Variants in KDM2A observed in about 807,000 individuals in gnomAD.
KDM2A encodes lysine demethylase 2A.
Under a neutral mutation model 137.3 loss-of-function variants are expected in KDM2A, and 3 were observed. The observed-to-expected ratio is 0.02, with a 90% CI of 0.01 to 0.06. The LOEUF is 0.06. Among genes scored for constraint, KDM2A ranks in the 10% least tolerant of loss-of-function variants. The pLI is 1.00. For synonymous variants in KDM2A, 512 were observed against 541.5 expected, an observed-to-expected ratio of 0.95 and a Z score of 0.76; for missense variants, 738 against 1,510.6, an observed-to-expected ratio of 0.49 and a Z score of 8.48.
chr11:67,245,651 C>A lies in KDM2A; in HGVS notation c.1833+193C>A. On this transcript the variant is annotated intron_variant, in intron 14 of 20. Coordinates refer to ENST00000529006, the MANE Select transcript of KDM2A (RefSeq NM_012308.3). The surrounding 1 kb of genome is among the most constrained non-coding windows in gnomAD (Gnocchi z 4.1). ...TCTAGTACTAAAAATCCGATTTAAT[C>A]TTTAGGCTTTACCTAATTTTCAAAC... 1 of 648,430 alleles carries A rather than the reference C, an allele frequency of 1.5e-6. No homozygotes were observed. The highest frequency in any genetic ancestry group is 2.6e-6 in the Non-Finnish European group (1 of 384,942). 40.2% of individuals were successfully genotyped at this position (648,430 alleles called of 1,614,324 possible).
intron 2 of KDM2A, among the ~76,000 whole-genome samples, chr11:67,166,002 C>T (rs151054205): frequency 1.7e-4 from 26 of 152,152 alleles, no homozygotes; most frequent in African/African-American, 5.8e-4. Context: ...ACAGTTGCAT[C>T]AATTATAAAA....
chr11:67,224,386 C>T (rs1032948516), intron 10 of KDM2A, among the ~76,000 whole-genome samples: 75 of 151,548 alleles, frequency 4.9e-4, no homozygotes, highest in African/African-American at 1.7e-3. Context: ...AGCGAAGGAT[C>T]ACTTAATCCC....
At chr11:67,168,942 A>G (rs1353939738) in intron 2 of KDM2A, among the ~76,000 whole-genome samples, 4 of 146,444 alleles carry the variant, frequency 2.7e-5, no homozygotes, top group African/African-American at 1.0e-4. Context: ...TTCAGATTTA[A>G]TCCATGTAGT....
intron 16 of KDM2A, among the ~76,000 whole-genome samples, chr11:67,249,363 T>TA (rs1419875268): frequency 6.6e-6 from 1 of 152,078 alleles, no homozygotes; most frequent in Non-Finnish European, 1.5e-5. Flanking sequence ...ACCATAATGA[T>TA]AAAAAAATGT....
intron 2 of KDM2A, among the ~76,000 whole-genome samples, chr11:67,152,440 A>G (rs1235640285): frequency 6.6e-6 from 1 of 151,630 alleles, no homozygotes; most frequent in Non-Finnish European, 1.5e-5. Flanking sequence ...CCTCATCTCT[A>G]CAAAAAATAA....
chr11:67,152,144 G>C (rs1169137233), intron 2 of KDM2A, among the ~76,000 whole-genome samples: 2 of 151,748 alleles, frequency 1.3e-5, no homozygotes, highest in Non-Finnish European at 2.9e-5. Context: ...GTGAAACCCT[G>C]TGTCTATTAA....
chr11:67,227,335 A>G (rs1858577954), intron 10 of KDM2A, among the ~76,000 whole-genome samples: 1 of 152,170 alleles, frequency 6.6e-6, no homozygotes, highest in Non-Finnish European at 1.5e-5. Context: ...CCTAATATGA[A>G]CATGTCACTT....
intron 2 of KDM2A, among the ~76,000 whole-genome samples, chr11:67,171,075 C>T (rs781219846): frequency 2.0e-5 from 3 of 152,212 alleles, no homozygotes; most frequent in Non-Finnish European, 4.4e-5. Flanking sequence ...GTGCTTGTTA[C>T]AGTACCTGGC....
intron 12 of KDM2A, 46 bp from the exon 13 acceptor site, chr11:67,242,952 GGTTGGCTCTTT>G: frequency 7.5e-7 from 1 of 1,331,666 alleles, no homozygotes; most frequent in Non-Finnish European, 1.1e-6. Flanking sequence ...TGTTCAGGGT[GGTTGGCTCTTT>G]GTTCACCCTG....
chr11:67,176,710 A>T (rs1261306870), intron 2 of KDM2A, among the ~76,000 whole-genome samples: 1 of 152,142 alleles, frequency 6.6e-6, no homozygotes, highest in Non-Finnish European at 1.5e-5. Context: ...ACAGTACTGA[A>T]TACTATAGGC....
chr11:67,145,988 G>GT (rs1217118907), intron 2 of KDM2A, among the ~76,000 whole-genome samples: 128 of 131,474 alleles, frequency 9.7e-4, no homozygotes, highest in South Asian at 1.5e-3. Context: ...TTTTTGTTTT[G>GT]TTTTTTTTTG....
At chr11:67,226,494 G>A (rs938912347) in intron 10 of KDM2A, among the ~76,000 whole-genome samples, 7 of 152,128 alleles carry the variant, frequency 4.6e-5, no homozygotes, top group Admixed American at 1.3e-4. Context: ...AGGCCAAGGC[G>A]GGCAGATCAC....
chr11:67,184,812 T>C (rs1051594922), intron 5 of KDM2A, among the ~76,000 whole-genome samples: 3 of 152,092 alleles, frequency 2.0e-5, no homozygotes, highest in Admixed American at 6.6e-5. Context: ...GATTGATCCT[T>C]GACACAGAGA....
intron 12 of KDM2A, chr11:67,239,893 G>A (rs963039183): frequency 2.4e-5 from 5 of 210,900 alleles, no homozygotes; most frequent in Non-Finnish European, 4.1e-5. Flanking sequence ...CAGGGCGGGG[G>A]CTGTGGCTGA....
chr11:67,187,529 T>A (rs959524420), intron 5 of KDM2A, among the ~76,000 whole-genome samples: 1 of 151,548 alleles, frequency 6.6e-6, no homozygotes, highest in Non-Finnish European at 1.5e-5. Flanking sequence ...AACAGACATT[T>A]ATTAATTTAT....
intron 18 of KDM2A, among the ~76,000 whole-genome samples, 157 bp downstream of exon 18, chr11:67,253,014 CTT>C (rs1298263622): frequency 6.6e-6 from 1 of 152,194 alleles, no homozygotes; most frequent in Non-Finnish European, 1.5e-5. Context: ...CCAGGGCCAT[CTT>C]AAGTGTCAGT....
chr11:67,219,622 A>G, intron 10 of KDM2A: 1 of 247,176 alleles, frequency 4.0e-6, no homozygotes, highest in Non-Finnish European at 7.9e-6. Flanking sequence ...TGGCGTGATC[A>G]TGGATGATTG....
chr11:67,185,278 T>TAATA (rs1188890509), intron 5 of KDM2A, among the ~76,000 whole-genome samples: 2 of 152,136 alleles, frequency 1.3e-5, no homozygotes, highest in African/African-American at 4.8e-5. Flanking sequence ...TGGAGATTAT[T>TAATA]AAGTCTAAGG....
At chr11:67,168,904 A>G (rs925653538) in intron 2 of KDM2A, among the ~76,000 whole-genome samples, 19 of 151,278 alleles carry the variant, frequency 1.3e-4, no homozygotes, top group Non-Finnish European at 2.2e-4. Context: ...AAGGCTATGA[A>G]GTGGGGATTT....
Sources: allele counts gnomAD v4.1 joint callset (sites outside exome capture counted in the v4.1 genomes callset), GRCh38; gene constraint gnomAD v4.1.1; non-coding constraint Gnocchi (gnomAD v3.1); transcripts MANE v1.5; gene names NCBI Gene and HGNC (gene_info 2026-07-23, HGNC 2026-07-21).